The following MTHFD1L variants were observed in gnomAD, a reference collection of about 807,000 sequenced individuals.
MTHFD1L encodes the protein monofunctional C1-tetrahydrofolate synthase, mitochondrial.
In MTHFD1L, 81 loss-of-function variants were observed where a neutral mutation model predicts 119.5. That is an observed-to-expected ratio of 0.68 (90% CI 0.57 to 0.82). The LOEUF (loss-of-function observed/expected upper bound fraction) is 0.82. MTHFD1L is among the 40% of genes least tolerant of loss of function. MTHFD1L has a pLI of 0.00. For synonymous variants in MTHFD1L, 430 were observed against 475.2 expected (o/e 0.90, Z 1.24); for missense variants, 1,125 against 1,253.4 (o/e 0.90, Z 1.55).
chr6:150,904,246 G>A (rs550068053), intron 7 of MTHFD1L, among the ~76,000 whole-genome samples: 15 of 152,168 alleles, frequency 9.9e-5, no homozygotes, highest in Non-Finnish European at 1.9e-4. Flanking sequence ...GGTTTGGTGG[G>A]GGTAGTGACA....
chr6:150,922,359 G>A, intron 10 of MTHFD1L, 57 bp downstream of exon 10: 1 of 1,399,416 alleles, frequency 7.1e-7, no homozygotes. Flanking sequence ...CTTAGCCCTA[G>A]TTAGTCATGG....
At chr6:151,013,669 A>G (rs1782606058) in intron 21 of MTHFD1L, 110 bp from the exon 22 acceptor site, 1 of 1,014,610 alleles carries the variant, frequency 9.9e-7, no homozygotes, top group Non-Finnish European at 1.5e-6. Context: ...AGCACAAAAC[A>G]TAGAGGTACA....
At chr6:151,086,700 G>A (rs375576309) in intron 26 of MTHFD1L, among the ~76,000 whole-genome samples, 3 of 151,836 alleles carry the variant, frequency 2.0e-5, no homozygotes, top group South Asian at 4.2e-4. Flanking sequence ...GCTAATTTTT[G>A]TTTGTTTTTT....
In MTHFD1L at chr6:150,865,738, C is replaced by A. The variant is rs892723105; in HGVS notation, c.-85C>A. 2.6e-6 allele frequency: 3 copies of A among 1,147,192 alleles called. No homozygotes were observed. Among genetic ancestry groups the A allele is most frequent in the Non-Finnish European group, 3.2e-6 (3 of 931,114 alleles). 71.1% of individuals were successfully genotyped at this position (1,147,192 alleles called of 1,614,324 possible). A position where few individuals can be genotyped will look rare whatever the true frequency, so the allele number is the denominator to read the frequency against. On this transcript the variant is annotated 5_prime_UTR_variant, in exon 1 of 28. Coordinates refer to ENST00000367321, the MANE Select transcript of MTHFD1L (RefSeq NM_015440.5). ...AGGTCCTTCCCGCCGCCGCCGCCGC[C>A]GCCGCCGCCTGCTCCCCTGGCACGC...
At chr6:151,058,087 T>C (rs949896713) in intron 26 of MTHFD1L, among the ~76,000 whole-genome samples, 2 of 152,230 alleles carry the variant, frequency 1.3e-5, no homozygotes, top group African/African-American at 4.8e-5. Context: ...GGAGGCCTTA[T>C]TTTTACTGCT....
intron 26 of MTHFD1L, among the ~76,000 whole-genome samples, chr6:151,083,186 T>C (rs1793376357): frequency 6.9e-6 from 1 of 144,666 alleles, no homozygotes; most frequent in South Asian, 2.4e-4. Context: ...ATACGAAGAA[T>C]GAAATGCAAT....
chr6:150,922,261 A>G lies in MTHFD1L; in HGVS notation c.1041A>G (p.Arg347=). The G allele has an allele frequency of 6.2e-7, 1 of 1,613,944 alleles. No homozygotes were observed. Among genetic ancestry groups the G allele is most frequent in the Non-Finnish European group, 8.5e-7 (1 of 1,179,908 alleles). The change falls in exon 10 of 28, where the codon AGA becomes AGG. Residue 347 remains arginine (R), a synonymous_variant. Transcript: ENST00000367321. ...GTGAACAGCAGCACAGGCGGTGGAG[A>G]CTTCACTGCTTGAAACTTCAGCCTC... The part of the protein sequence containing the change: ...WLREQQHRRW[R]LHCLKLQPLS...
intron 1 of MTHFD1L, among the ~76,000 whole-genome samples, chr6:150,870,226 C>T (rs1449828052): frequency 1.3e-5 from 2 of 152,186 alleles, no homozygotes; most frequent in Non-Finnish European, 2.9e-5. Context: ...CTCACAAGGC[C>T]ATTTTTCTGC....
chr6:151,001,165 T>A (rs1780560082), intron 20 of MTHFD1L, among the ~76,000 whole-genome samples: 1 of 152,184 alleles, frequency 6.6e-6, no homozygotes, highest in African/African-American at 2.4e-5. Context: ...GAACTCAATA[T>A]GTTGTATATT....
chr6:150,998,792 G>A (rs538987190), intron 20 of MTHFD1L, among the ~76,000 whole-genome samples: 1 of 146,318 alleles, frequency 6.8e-6, no homozygotes, highest in Non-Finnish European at 1.5e-5. Flanking sequence ...GCCTAGGCAA[G>A]GTGATGAAAC....
At chr6:151,002,230 A>G (rs1342682092) in intron 20 of MTHFD1L, among the ~76,000 whole-genome samples, 1 of 152,236 alleles carries the variant, frequency 6.6e-6, no homozygotes, top group Non-Finnish European at 1.5e-5. Context: ...GGTTGCTAGC[A>G]GACAGGCCTT....
chr6:151,028,450 T>C (rs1404737082), intron 24 of MTHFD1L, among the ~76,000 whole-genome samples: 1 of 152,084 alleles, frequency 6.6e-6, no homozygotes, highest in Non-Finnish European at 1.5e-5. Context: ...ATCAGCTAAA[T>C]ATGGCACACA....
rs1251496705 is a variant in MTHFD1L at position 150,865,799 on chromosome 6, C to T, written c.-24C>T. 4 of 1,293,470 alleles carry T rather than the reference C, an allele frequency of 3.1e-6. No individual in the cohort carries two copies. Among genetic ancestry groups the T allele is most frequent in the East Asian group, 4.2e-5 (1 of 23,706 alleles). 80.1% of individuals were successfully genotyped at this position (1,293,470 alleles called of 1,614,324 possible). ...CCTCGGCAGCCGCAGCTCCGTGTCCCCTGAGAACCAGCCGTCCCGCGCCAT... is the reference window on the plus strand; with the variant it reads ...CCTCGGCAGCCGCAGCTCCGTGTCCTCTGAGAACCAGCCGTCCCGCGCCAT... On this transcript the variant is annotated 5_prime_UTR_variant, in exon 1 of 28. Transcript: ENST00000367321.
intron 23 of MTHFD1L, 60 bp from the exon 24 acceptor site, chr6:151,015,452 GTCTT>G: frequency 6.5e-7 from 1 of 1,533,548 alleles, no homozygotes; most frequent in Non-Finnish European, 8.8e-7. Flanking sequence ...TAAATGGTGA[GTCTT>G]TCTTTGAAAA....
intron 16 of MTHFD1L, among the ~76,000 whole-genome samples, chr6:150,950,528 A>G (rs4599659): frequency 0.31 from 46,519 of 152,062 alleles, 7,640 homozygotes; most frequent in East Asian, 0.46. Context: ...CAGTTTCCTC[A>G]TCTTTAAAAT....
At chr6:150,994,097 G>GAAGAAAGAAAGAAAGAAAGAAAGAAAGAA (rs61147935) in intron 20 of MTHFD1L, among the ~76,000 whole-genome samples, 3 of 129,230 alleles carry the variant, frequency 2.3e-5, no homozygotes, top group South Asian at 2.3e-4. Context: ...AAGAAAGAAA[G>GAAGAAAGAAAGAAAGAAAGAAAGAAAGAA]TGACCCAGCA....
intron 2 of MTHFD1L, among the ~76,000 whole-genome samples, chr6:150,876,926 A>G (rs111919904): frequency 6.6e-6 from 1 of 152,220 alleles, no homozygotes; most frequent in Non-Finnish European, 1.5e-5. Flanking sequence ...ACATCTTGTT[A>G]CAAAGAAAGA....
intron 20 of MTHFD1L, among the ~76,000 whole-genome samples, chr6:150,984,144 A>G (rs1158795483): frequency 6.6e-6 from 1 of 152,218 alleles, no homozygotes; most frequent in Non-Finnish European, 1.5e-5. Context: ...TCTTTAAATA[A>G]AATGTCTTTA....
chr6:151,059,280 G>A (rs987841063), intron 26 of MTHFD1L, among the ~76,000 whole-genome samples: 9 of 152,022 alleles, frequency 5.9e-5, no homozygotes, highest in South Asian at 2.1e-4. Context: ...GCATGATCTC[G>A]GCTCACTGCA....
Sources: allele counts gnomAD v4.1 joint callset (sites outside exome capture counted in the v4.1 genomes callset), GRCh38; gene constraint gnomAD v4.1.1; transcripts MANE v1.5; gene names NCBI Gene and HGNC (gene_info 2026-07-23, HGNC 2026-07-21).